The following UNC13B variants were observed in gnomAD, a reference collection of about 807,000 sequenced individuals.
UNC13B encodes the protein protein unc-13 homolog B.
Under a neutral mutation model 211.0 loss-of-function variants are expected in UNC13B, and 144 were observed. The observed-to-expected ratio is 0.68, with a 90% CI of 0.60 to 0.78. UNC13B has a LOEUF of 0.78. Among genes scored for constraint, UNC13B ranks in the 30% least tolerant of loss-of-function variants. The pLI is 0.00. For synonymous variants in UNC13B, 709 were observed against 725.8 expected, an observed-to-expected ratio of 0.98 and a Z score of 0.37; for missense variants, 1,777 against 2,002.0, an observed-to-expected ratio of 0.89 and a Z score of 2.14.
At chr9:35,262,821 A>C (rs1827356299) in intron 7 of UNC13B, among the ~76,000 whole-genome samples, 1 of 152,038 alleles carries the variant, frequency 6.6e-6, no homozygotes, top group Non-Finnish European at 1.5e-5. Flanking sequence ...AGTCCCAGCT[A>C]CTTGGGAGAC....
intron 1 of UNC13B, among the ~76,000 whole-genome samples, chr9:35,179,764 C>A (rs942251394): frequency 2.0e-5 from 3 of 152,020 alleles, no homozygotes; most frequent in African/African-American, 7.3e-5. Flanking sequence ...GTGCCCTAGC[C>A]CAGCCTGGGT....
intron 11 of UNC13B, among the ~76,000 whole-genome samples, chr9:35,337,845 C>T (rs1013881835): frequency 6.6e-6 from 1 of 152,210 alleles, no homozygotes; most frequent in East Asian, 1.9e-4. Context: ...TATCTTAGAA[C>T]AAGCCATAAA....
rs201925591 is a variant in UNC13B at position 35,376,169 on chromosome 9, C to T, written c.9757C>T (p.Gln3253Ter). ...CEGLLWGIARQGMRCSECGVK... is the reference protein window; with the variant it reads ...CEGLLWGIAR ...AGGCCTGCTCTGGGGCATTGCCCGG[C>T]AGGGCATGCGCTGCAGCGAATGTGG... Residue 3253 changes from glutamine (Q) to a stop codon, truncating the protein, a stop_gained, in exon 15 of 40, where the codon CAG (glutamine) becomes TAG (stop). Transcript: ENST00000635942. LOFTEE classifies it high-confidence loss of function. 5 of 1,614,218 alleles carry T rather than the reference C, an allele frequency of 3.1e-6. No homozygotes were observed. The highest frequency in any genetic ancestry group is 2.2e-5 in the East Asian group (1 of 44,880).
At chr9:35,270,654 A>G (rs1827824123) in intron 7 of UNC13B, among the ~76,000 whole-genome samples, 1 of 152,228 alleles carries the variant, frequency 6.6e-6, no homozygotes, top group African/African-American at 2.4e-5. Flanking sequence ...CAAAAATTTA[A>G]CAAAATTTTA....
chr9:35,196,046 T>G (rs971640104), intron 1 of UNC13B, among the ~76,000 whole-genome samples: 1 of 151,290 alleles, frequency 6.6e-6, no homozygotes, highest in African/African-American at 2.4e-5. Context: ...GTTTTTTCAT[T>G]TCTATCATTT....
chr9:35,381,590 G>T lies in UNC13B; in HGVS notation c.10526G>T (p.Ser3509Ile), dbSNP rs911067546. ...LFHYLTDIQG[S>I]GGVRIPEARG... ...CATTACCTCACAGACATTCAGGGCA[G>T]TGGAGGAGTCCGCATCCCTGAAGCT... The change falls in exon 20 of 40, where the codon AGT (serine) becomes ATT (isoleucine). Residue 3509 changes from serine (S) to isoleucine (I), a missense_variant. Coordinates refer to ENST00000635942, the MANE Select transcript of UNC13B (RefSeq NM_001371189.2). 3.1e-6 allele frequency: 5 copies of T among 1,614,194 alleles called. 1 individual carries two copies. Among genetic ancestry groups the T allele is most frequent in the Admixed American group, 3.3e-5 (2 of 60,030 alleles).
At chr9:35,200,993 A>G (rs1319815019) in intron 1 of UNC13B, among the ~76,000 whole-genome samples, 1 of 152,088 alleles carries the variant, frequency 6.6e-6, no homozygotes, top group Non-Finnish European at 1.5e-5. Flanking sequence ...AGCTCTTATT[A>G]TTTTGAGATA....
At position 35,374,798 on chromosome 9, in the gene UNC13B, T is replaced by C. The variant is rs115434796; in HGVS notation, c.9541-329T>C. ...CCTGTTTCCTACTATAGTTCTAAGCTTTTCATTTTCCTTTGCCTTCCCATA... is the reference window on the plus strand; with the variant it reads ...CCTGTTTCCTACTATAGTTCTAAGCCTTTCATTTTCCTTTGCCTTCCCATA... On this transcript the variant is annotated intron_variant, in intron 13 of 39. Coordinates refer to ENST00000635942, the MANE Select transcript of UNC13B (RefSeq NM_001371189.2). 3.2e-3 allele frequency among the ~76,000 whole-genome samples: 485 copies of C among 152,334 alleles called. 1 individual carries two copies. Among genetic ancestry groups the C allele is most frequent in the African/African-American group, 0.011 (455 of 41,570 alleles).
chr9:35,262,002 A>G (rs1587494216), intron 7 of UNC13B, among the ~76,000 whole-genome samples: 1 of 152,108 alleles, frequency 6.6e-6, no homozygotes, highest in East Asian at 1.9e-4. Flanking sequence ...TTTATGTACT[A>G]CATTTTCCTT....
chr9:35,282,178 T>C (rs1828532751), intron 7 of UNC13B, among the ~76,000 whole-genome samples: 1 of 152,148 alleles, frequency 6.6e-6, no homozygotes, highest in South Asian at 2.1e-4. Flanking sequence ...ATAAAACAAA[T>C]GTTTAAATGT....
At chr9:35,168,234 AT>A (rs1225048380) in intron 1 of UNC13B, among the ~76,000 whole-genome samples, 1 of 151,888 alleles carries the variant, frequency 6.6e-6, no homozygotes, top group Admixed American at 6.6e-5. Flanking sequence ...TTTATTATTA[AT>A]TTTTTTCTTT....
chr9:35,377,835 T>A, intron 16 of UNC13B, 140 bp downstream of exon 16: 1 of 890,474 alleles, frequency 1.1e-6, no homozygotes, highest in Non-Finnish European at 1.7e-6. Flanking sequence ...GCCTCTTTAT[T>A]AATCACTTCT....
intron 7 of UNC13B, among the ~76,000 whole-genome samples, chr9:35,281,955 G>A (rs1487847067): frequency 1.3e-5 from 2 of 152,328 alleles, no homozygotes; most frequent in South Asian, 2.1e-4. Context: ...AGGGTCAGAT[G>A]AGGCCAGAGA....
At chr9:35,233,585 C>T (rs1211146974) in intron 3 of UNC13B, among the ~76,000 whole-genome samples, 2 of 152,178 alleles carry the variant, frequency 1.3e-5, no homozygotes, top group Admixed American at 1.3e-4. Flanking sequence ...TCACCGGAAT[C>T]TCCAGTGCTG....
At chr9:35,334,604 G>A (rs1831548954) in intron 11 of UNC13B, among the ~76,000 whole-genome samples, 4 of 152,172 alleles carry the variant, frequency 2.6e-5, no homozygotes, top group South Asian at 4.1e-4. Flanking sequence ...CTTTCTACGT[G>A]TATTTTCCTT....
At chr9:35,351,538 G>A in intron 11 of UNC13B, 5 of 1,232,338 alleles carry the variant, frequency 4.1e-6, no homozygotes, top group Non-Finnish European at 5.1e-6. Context: ...TGAAGCGATT[G>A]TTGCAAGAGT....
At chr9:35,258,702 T>C (rs1317393654) in intron 6 of UNC13B, among the ~76,000 whole-genome samples, 1 of 152,188 alleles carries the variant, frequency 6.6e-6, no homozygotes, top group East Asian at 1.9e-4. Context: ...GGCCAAACCT[T>C]CTCCAGCTGC....
chr9:35,246,923 A>G (rs1826135718), intron 6 of UNC13B, among the ~76,000 whole-genome samples: 1 of 152,168 alleles, frequency 6.6e-6, no homozygotes, highest in Non-Finnish European at 1.5e-5. Context: ...GATGGCATTG[A>G]ATCTATAAAT....
chr9:35,309,725 A>G (rs925429034), intron 9 of UNC13B, among the ~76,000 whole-genome samples: 1 of 152,192 alleles, frequency 6.6e-6, no homozygotes, highest in Admixed American at 6.5e-5. Flanking sequence ...CAGATCCTGG[A>G]GTTGGACTTT....
Sources: allele counts gnomAD v4.1 joint callset (sites outside exome capture counted in the v4.1 genomes callset), GRCh38; gene constraint gnomAD v4.1.1; transcripts MANE v1.5; gene names NCBI Gene and HGNC (gene_info 2026-07-23, HGNC 2026-07-21).